Variants in KRT17 observed in about 807,000 individuals in gnomAD.
The protein encoded by KRT17 is keratin 17.
Under a neutral mutation model 45.6 loss-of-function variants are expected in KRT17, and 29 were observed. The observed-to-expected ratio is 0.64, with a 90% CI of 0.47 to 0.87. The LOEUF (loss-of-function observed/expected upper bound fraction) is 0.87, where lower values mean the gene tolerates loss of function less well. Among genes scored for constraint, KRT17 ranks in the 40% least tolerant of loss-of-function variants. The pLI, the probability that KRT17 is intolerant of heterozygous loss-of-function variation, is 0.00. For synonymous variants in KRT17, 219 were observed against 234.6 expected, an observed-to-expected ratio of 0.93 and a Z score of 0.61; for missense variants, 536 against 577.8, an observed-to-expected ratio of 0.93 and a Z score of 0.74.
chr17:41,622,801 C>A (rs1158464236), intron 2 of KRT17, 149 bp downstream of exon 2: 2 of 766,940 alleles, frequency 2.6e-6, no homozygotes, highest in East Asian at 5.2e-5. Context: ...TCACTGCATC[C>A]TGGACTAAGG....
rs1395349334 is a variant in KRT17, at chr17:41,624,420, C to T, written c.90G>A (p.Arg30=). Residue 30 remains arginine (R), a synonymous_variant, in exon 1 of 8, where the codon CGG becomes CGA. Coordinates refer to ENST00000311208, the MANE Select transcript of KRT17 (RefSeq NM_000422.3). ...AGCCGGCACCCAGGCCGCCAGACAG[C>T]CGGCAGGAGGTGCGGGACGAGCCGC... The part of the protein sequence containing the change: ...LGGGSSRTSC[R]LSGGLGAGSC... 3 of 1,610,348 alleles carry T rather than the reference C, an allele frequency of 1.9e-6. No individual in the cohort carries two copies. Among genetic ancestry groups the T allele is most frequent in the Non-Finnish European group, 1.7e-6 (2 of 1,179,428 alleles).
intron 7 of KRT17, 144 bp downstream of exon 7, chr17:41,620,392 C>A (rs1397015556): frequency 6.3e-7 from 1 of 1,587,474 alleles, no homozygotes; most frequent in African/African-American, 1.4e-5. Context: ...GAGTATCAAT[C>A]CTCAGTGCTA....
At position 41,624,272 on chromosome 17, in the gene KRT17, GC is replaced by G. The variant is rs760736333; in HGVS notation, c.237del (p.Leu80TrpfsTer35). 3 of 1,612,444 alleles carry G rather than the reference GC, an allele frequency of 1.9e-6. No homozygotes were observed. The highest frequency in any genetic ancestry group is 2.5e-6 in the Non-Finnish European group (3 of 1,180,022). On this transcript the variant is annotated frameshift_variant, in exon 1 of 8. Coordinates refer to ENST00000311208, the MANE Select transcript of KRT17 (RefSeq NM_000422.3). LOFTEE classifies it high-confidence loss of function. ...ATGGTGGCCTTCTCACCTCCAGCCA[GC>G]AGCCCATCAACACCCCCAAAGCTGC... ...YGSSFGGVDG[L>X]LAGGEKATMQ...
In KRT17 at chr17:41,624,574, G is replaced by A. The variant is rs1908668342; in HGVS notation, c.-65C>T. On this transcript the variant is annotated 5_prime_UTR_variant, in exon 1 of 8. Transcript: ENST00000311208. ...GGAGAGGAGAGGGGCCCCAAGTTGT[G>A]TAGGGCTGCCGGGGTTCGCCCGCTT... is the stretch of plus-strand genomic sequence containing the variant. 1 of 1,414,068 alleles carries A rather than the reference G, an allele frequency of 7.1e-7. No homozygotes were observed. The highest frequency in any genetic ancestry group is 9.9e-7 in the Non-Finnish European group (1 of 1,013,030). The allele number at this position is 1,414,068 out of a possible 1,614,324, so 87.6% of individuals were successfully genotyped here. A position where few individuals can be genotyped will look rare whatever the true frequency, so the allele number is the denominator to read the frequency against.
At position 41,622,360 on chromosome 17, in the gene KRT17, C is replaced by T. The variant is rs140804147; in HGVS notation, c.667G>A (p.Glu223Lys). 4.0e-3 allele frequency: 6,500 copies of T among 1,613,396 alleles called. 224 individuals are homozygous for T. In the African/African-American group the frequency reaches 0.075, roughly 19 times the overall value. The change falls in exon 3 of 8, where the codon GAG becomes AAG. Residue 223 changes from glutamate to lysine, a missense_variant. Transcript: ENST00000311208. ...EELAYLKKNH[E>K]EEMNALRGQV... ...TTCTGCCCCAGCCACCTCACCTCCT[C>T]GTGGTTCTTCTTCAGGTAGGCCAGC...
At chr17:41,622,176 G>C (rs1908565232) in intron 3 of KRT17, 179 bp downstream of exon 3, 1 of 784,010 alleles carries the variant, frequency 1.3e-6, no homozygotes, top group South Asian at 1.6e-5. Flanking sequence ...GGTACAAAGA[G>C]GAGTCTGCCC....
At chr17:41,621,351 G>A (rs1908535680) in intron 4 of KRT17, among the ~76,000 whole-genome samples, 1 of 152,214 alleles carries the variant, frequency 6.6e-6, no homozygotes, top group South Asian at 2.1e-4. Flanking sequence ...GGGAGACGTG[G>A]GGACTCCCAA....
In KRT17 at chr17:41,622,606, G is replaced by A. The variant is rs1908580400; in HGVS notation, c.516-95C>T. The A allele has an allele frequency of 5.6e-6, 8 of 1,425,180 alleles. 1 individual carries two copies. The Middle Eastern group carries it at 9.6e-4, about 172-fold the overall frequency. The allele number at this position is 1,425,180 out of a possible 1,614,324, so 88.3% of individuals were successfully genotyped here. A position where few individuals can be genotyped will look rare whatever the true frequency, so the allele number is the denominator to read the frequency against. ...TGCCTTCATTTTGCCAGGACTCTAA[G>A]GAGTTGGAAGGGCTGATGAGAGGGT... is the stretch of plus-strand genomic sequence containing the variant. On this transcript the variant is annotated intron_variant, in intron 2 of 7. Transcript: ENST00000311208.
Position 41,622,521 on chromosome 17 carries a change from G to A in KRT17, c.516-10C>T, listed in dbSNP as rs776515217. The stretch of plus-strand genomic sequence containing the variant: ...CTGCTCTGTCTCAAACCTGCCGTGG[G>A]AATCAGAGACTTCAGCCCAGGCTGC... On this transcript the variant is annotated splice_polypyrimidine_tract_variant and intron_variant, in intron 2 of 7. Transcript: ENST00000311208. 6.2e-7 allele frequency: 1 copy of A among 1,612,986 alleles called. No homozygotes were observed. Among genetic ancestry groups the A allele is most frequent in the South Asian group, 1.1e-5 (1 of 91,020 alleles).
chr17:41,623,317 A>G (rs1239889868), intron 1 of KRT17: 1 of 402,222 alleles, frequency 2.5e-6, no homozygotes, highest in African/African-American at 2.1e-5. Flanking sequence ...AGAATGGGAA[A>G]ATGTCCCCAG....
Position 41,622,481 on chromosome 17 carries a change from A to C in KRT17, c.546T>G (p.Ser182Arg), listed in dbSNP as rs1908575855. The C allele has an allele frequency of 6.2e-7, 1 of 1,613,706 alleles. No homozygotes were observed. Among genetic ancestry groups the C allele is most frequent in the Non-Finnish European group, 8.5e-7 (1 of 1,180,026 alleles). ...GCAGGCCATTGATGTCGGCCTCCAC[A>C]CTCAGGCGCAGGGCCTGCTCTGTCT... ...KFETEQALRL[S>R]VEADINGLRR... Residue 182 changes from serine to arginine, a missense_variant, in exon 3 of 8, where the codon AGT becomes AGG. Transcript: ENST00000311208.
intron 1 of KRT17, 77 bp downstream of exon 1, chr17:41,624,001 C>G: frequency 6.3e-7 from 1 of 1,599,464 alleles, no homozygotes; most frequent in Non-Finnish European, 8.6e-7. Context: ...TGGCTGGACT[C>G]CAGGCCTTTG....
chr17:41,621,871 C>A, intron 3 of KRT17, 117 bp from the exon 4 acceptor site: 4 of 1,060,110 alleles, frequency 3.8e-6, no homozygotes, highest in Non-Finnish European at 5.8e-6. Context: ...TGTTCTCCCT[C>A]TGCTCTATCT....
chr17:41,620,647 G>T lies in KRT17; in HGVS notation c.1181+12C>A, dbSNP rs529373857. Reference sequence around the variant, plus strand: ...GAGACCCCCAGCCCTGACCCCAGGCGCCCCCACTCACTGGGCATCCTCTCC... The same window carrying T: ...GAGACCCCCAGCCCTGACCCCAGGCTCCCCCACTCACTGGGCATCCTCTCC... On this transcript the variant is annotated intron_variant, in intron 6 of 7. Transcript: ENST00000311208. 6.2e-6 allele frequency: 10 copies of T among 1,611,190 alleles called. No homozygotes were observed. The highest frequency in any genetic ancestry group is 7.6e-6 in the Non-Finnish European group (9 of 1,179,652).
rs903125501 is a variant in KRT17, at chr17:41,623,090, G to A, written c.433-58C>T. ...ATGGGGGTGGCTGAGCCCACACCAG[G>A]GTTCTGAGCAGATCTTCCTGCCTCA... On this transcript the variant is annotated intron_variant, in intron 1 of 7. Transcript: ENST00000311208. 6 of 1,305,108 alleles carry A rather than the reference G, an allele frequency of 4.6e-6. No homozygotes were observed. The Admixed American group carries it at 6.7e-5, about 15-fold the overall frequency. 80.8% of individuals were successfully genotyped at this position (1,305,108 alleles called of 1,614,324 possible). A position where few individuals can be genotyped will look rare whatever the true frequency, so the allele number is the denominator to read the frequency against.
At chr17:41,623,709 C>A (rs1292041833) in intron 1 of KRT17, among the ~76,000 whole-genome samples, 1 of 152,110 alleles carries the variant, frequency 6.6e-6, no homozygotes, top group African/African-American at 2.4e-5. Context: ...ACCCAAAACC[C>A]CCTCCTGTTG....
In KRT17 at chr17:41,619,693, A is replaced by G; in HGVS notation, c.1205-5T>C. On this transcript the variant is annotated splice_region_variant and splice_polypyrimidine_tract_variant and intron_variant, in intron 7 of 7. Transcript: ENST00000311208. Reference sequence around the variant, plus strand: ...GCACCTGACGGGTGGTCACCGCTGCAGGAGAAGCAGGCAATTTAAAGTGGG... The same window carrying G: ...GCACCTGACGGGTGGTCACCGCTGCGGGAGAAGCAGGCAATTTAAAGTGGG... 6.2e-7 allele frequency: 1 copy of G among 1,612,152 alleles called. No homozygotes were observed. The highest frequency in any genetic ancestry group is 8.5e-7 in the Non-Finnish European group (1 of 1,179,974).
Position 41,622,565 on chromosome 17 carries a change from G to A in KRT17, c.516-54C>T, listed in dbSNP as rs1908579262. On this transcript the variant is annotated intron_variant, in intron 2 of 7. Coordinates refer to ENST00000311208, the MANE Select transcript of KRT17 (RefSeq NM_000422.3). The stretch of plus-strand genomic sequence containing the variant: ...AGGCTGCTTGGACCTGCAGATCCAG[G>A]TCCTGGCTGCTCACCTGCCTTCATT... 6 of 1,600,246 alleles carry A rather than the reference G, an allele frequency of 3.7e-6. No homozygotes were observed. In the Admixed American group the frequency reaches 6.7e-5, roughly 18 times the overall value.
In KRT17 at chr17:41,624,185, T is replaced by C. The variant is rs267607412; in HGVS notation, c.325A>G (p.Asn109Asp). The C allele has an allele frequency of 1.2e-5, 20 of 1,612,396 alleles. No homozygotes were observed. Among genetic ancestry groups the C allele is most frequent in the South Asian group, 3.3e-5 (3 of 91,016 alleles). Residue 109 changes from asparagine (N) to aspartate (D), a missense_variant, in exon 1 of 8, where the codon AAC (asparagine) becomes GAC (aspartate). Transcript: ENST00000311208. The part of the protein sequence containing the change: ...LDKVRALEEA[N>D]TELEVKIRDW... ...CGGATCTTCACCTCCAGCTCAGTGT[T>C]GGCCTCCTCCAGGGCACGCACCTTG...
Sources: gnomAD v4.1 joint callset for allele counts (sites outside exome capture counted in the v4.1 genomes callset) on GRCh38, gnomAD v4.1.1 for gene constraint, MANE v1.5 for transcripts, NCBI Gene and HGNC (gene_info 2026-07-23, HGNC 2026-07-21) for gene names.